PDE4D: variants seen among roughly 807,000 people sequenced by gnomAD.
PDE4D encodes the protein phosphodiesterase 4D, also known as 3',5'-cyclic-AMP phosphodiesterase 4D.
Under a neutral mutation model 87.4 loss-of-function variants are expected in PDE4D, and 24 were observed. That is an observed-to-expected ratio of 0.27 (90% CI 0.20 to 0.39). PDE4D has a LOEUF of 0.39. Among genes scored for constraint, PDE4D ranks in the 10% least tolerant of loss-of-function variants. PDE4D has a pLI of 1.00. For missense variants in PDE4D, 714 were observed against 1,041.0 expected, an observed-to-expected ratio of 0.69 and a Z score of 4.32; for synonymous variants, 384 against 383.2, an observed-to-expected ratio of 1.00 and a Z score of -0.02.
chr5:60,114,291 T>C (rs578234543), intron 2 of PDE4D, among the ~76,000 whole-genome samples: 1 of 152,264 alleles, frequency 6.6e-6, no homozygotes, highest in East Asian at 1.9e-4. Context: ...AGGGCAATCA[T>C]GTTTTAAATG....
intron 1 of PDE4D, among the ~76,000 whole-genome samples, chr5:59,879,855 C>G (rs1749180683): frequency 6.6e-6 from 1 of 152,212 alleles, no homozygotes; most frequent in Non-Finnish European, 1.5e-5. Context: ...ATTCTCCTGC[C>G]TCAGTCTCCT....
At chr5:59,847,329 C>A (rs1161944609) in intron 1 of PDE4D, among the ~76,000 whole-genome samples, 1 of 152,002 alleles carries the variant, frequency 6.6e-6, no homozygotes, top group Non-Finnish European at 1.5e-5. Context: ...AAGGTTGGAT[C>A]TACAATATTT....
At chr5:59,136,975 C>T in intron 5 of PDE4D, among the ~76,000 whole-genome samples, 1 of 152,150 alleles carries the variant, frequency 6.6e-6, no homozygotes, top group South Asian at 2.1e-4. Flanking sequence ...CACTGAATGC[C>T]CCACATCCCA....
intron 1 of PDE4D, among the ~76,000 whole-genome samples, chr5:60,330,037 G>A (rs1311380103): frequency 2.9e-5 from 4 of 138,500 alleles, no homozygotes; most frequent in African/African-American, 1.2e-4. Context: ...AGTTCTAAAT[G>A]AGATAAAAAA....
At chr5:59,916,517 G>A (rs1385820546) in intron 3 of PDE4D, among the ~76,000 whole-genome samples, 1 of 152,136 alleles carries the variant, frequency 6.6e-6, no homozygotes, top group African/African-American at 2.4e-5. Flanking sequence ...AAACTGTAGG[G>A]AAATAAGAGT....
intron 1 of PDE4D, among the ~76,000 whole-genome samples, chr5:59,761,054 T>C (rs1018022031): frequency 2.0e-5 from 3 of 152,202 alleles, no homozygotes; most frequent in African/African-American, 7.2e-5. Flanking sequence ...ACCTAGATGG[T>C]ATAGCCTATT....
chr5:59,182,188 A>G (rs1741784473), intron 4 of PDE4D, among the ~76,000 whole-genome samples: 1 of 152,280 alleles, frequency 6.6e-6, no homozygotes, highest in East Asian at 1.9e-4. Context: ...CAAAATATTA[A>G]TATTTTAAGC....
chr5:60,441,938 C>T (rs1745256141), intron 1 of PDE4D, among the ~76,000 whole-genome samples: 1 of 151,946 alleles, frequency 6.6e-6, no homozygotes, highest in South Asian at 2.1e-4. Context: ...AGTCAGGAAA[C>T]AGCAGATGCT....
intron 5 of PDE4D, among the ~76,000 whole-genome samples, chr5:59,096,849 G>A (rs1769820181): frequency 6.6e-6 from 1 of 152,154 alleles, no homozygotes; most frequent in Non-Finnish European, 1.5e-5. Context: ...ACATTAAATG[G>A]CGGATAAAGC....
intron 1 of PDE4D, among the ~76,000 whole-genome samples, chr5:59,247,333 C>T (rs1456163764): frequency 6.6e-6 from 1 of 152,026 alleles, no homozygotes; most frequent in Non-Finnish European, 1.5e-5. Flanking sequence ...CTAGTAGTTT[C>T]AATGTTTGTG....
chr5:60,153,570 C>CCATGT (rs1562158696), intron 2 of PDE4D, among the ~76,000 whole-genome samples: 1 of 152,254 alleles, frequency 6.6e-6, no homozygotes, highest in Admixed American at 6.5e-5. Flanking sequence ...TATTTGCATT[C>CCATGT]CATGTTCTTT....
intron 1 of PDE4D, among the ~76,000 whole-genome samples, chr5:60,321,422 A>T (rs1347183441): frequency 6.6e-6 from 1 of 152,192 alleles, no homozygotes; most frequent in Admixed American, 6.5e-5. Context: ...TTAAATGTAA[A>T]ACCTAAAACT....
At chr5:59,003,750 T>C (rs1444342739) in intron 6 of PDE4D, among the ~76,000 whole-genome samples, 1 of 152,048 alleles carries the variant, frequency 6.6e-6, no homozygotes, top group African/African-American at 2.4e-5. Context: ...AGATGACGTA[T>C]ACCAGGAGAT....
intron 1 of PDE4D, among the ~76,000 whole-genome samples, chr5:60,445,034 C>T (rs543647591): frequency 3.3e-5 from 5 of 151,944 alleles, no homozygotes; most frequent in African/African-American, 1.2e-4. Context: ...ATAAAAATAG[C>T]TGGAAGTATG....
chr5:59,624,822 G>T (rs1274577446), intron 1 of PDE4D, among the ~76,000 whole-genome samples: 1 of 152,102 alleles, frequency 6.6e-6, no homozygotes, highest in East Asian at 1.9e-4. Flanking sequence ...TTCCTAAAAA[G>T]TCAACATGTG....
intron 1 of PDE4D, among the ~76,000 whole-genome samples, chr5:59,468,043 G>C (rs1185855961): frequency 1.3e-5 from 2 of 152,090 alleles, no homozygotes; most frequent in Non-Finnish European, 2.9e-5. Flanking sequence ...TTTCCATTGA[G>C]GATTTTAAGA....
In PDE4D at chr5:59,425,724, C is replaced by T. The variant is rs369477742; in HGVS notation, c.456-209756G>A. Among the ~76,000 whole-genome samples, 28 of 152,236 alleles carry T rather than the reference C, an allele frequency of 1.8e-4. No homozygotes were observed. The South Asian group carries it at 3.1e-3, about 17-fold the overall frequency. Reference sequence around the variant, plus strand: ...TTTTTCTTTGGTACAGAAAATGGGACGTATTCTTCTCCGCAATGCCTCCCT... The same window carrying T: ...TTTTTCTTTGGTACAGAAAATGGGATGTATTCTTCTCCGCAATGCCTCCCT... On this transcript the variant is annotated intron_variant, in intron 1 of 14. Transcript: ENST00000340635.
intron 1 of PDE4D, among the ~76,000 whole-genome samples, chr5:59,488,726 T>C (rs2153659263): frequency 6.6e-6 from 1 of 151,986 alleles, no homozygotes; most frequent in Non-Finnish European, 1.5e-5. Flanking sequence ...CAAGTACAGT[T>C]GGAATATTTC....
At chr5:59,793,148 C>T (rs1335988590) in intron 1 of PDE4D, among the ~76,000 whole-genome samples, 1 of 152,170 alleles carries the variant, frequency 6.6e-6, no homozygotes, top group Non-Finnish European at 1.5e-5. Flanking sequence ...CGTGGAGGTG[C>T]ATGATTTCCA....
Sources: gnomAD v4.1 joint callset for allele counts (sites outside exome capture counted in the v4.1 genomes callset) on GRCh38, gnomAD v4.1.1 for gene constraint, MANE v1.5 for transcripts, NCBI Gene and HGNC (gene_info 2026-07-23, HGNC 2026-07-21) for gene names.